FGD4: variants seen among roughly 807,000 people sequenced by gnomAD.
FGD4 encodes the protein FYVE, RhoGEF and PH domain containing 4.
In FGD4, 42 loss-of-function variants were observed where a neutral mutation model predicts 102.0. The observed-to-expected ratio is 0.41, with a 90% CI of 0.32 to 0.53. FGD4 has a LOEUF of 0.53. Ranked by LOEUF, FGD4 falls within the 20% of genes least tolerant of loss-of-function variation. FGD4 has a pLI of 0.21. For missense variants in FGD4, 902 were observed against 1,078.2 expected (o/e 0.84, Z 2.29); for synonymous variants, 380 against 375.7 (o/e 1.01, Z -0.13).
chr12:32,513,905 A>G (rs1939634622), intron 1 of FGD4, among the ~76,000 whole-genome samples: 1 of 152,196 alleles, frequency 6.6e-6, no homozygotes, highest in Admixed American at 6.5e-5. Flanking sequence ...ATTCTTCACA[A>G]TTTTGCAAAT....
chr12:32,423,224 C>T (rs2243815), intron 1 of FGD4, among the ~76,000 whole-genome samples: 59,918 of 152,040 alleles, frequency 0.39, 12,375 homozygotes, highest in African/African-American at 0.5. Flanking sequence ...AGAGAGGCCA[C>T]ATGGGTTCTC....
At chr12:32,585,254 A>G (rs866449994) in intron 4 of FGD4, among the ~76,000 whole-genome samples, 8 of 135,822 alleles carry the variant, frequency 5.9e-5, no homozygotes, top group Non-Finnish European at 9.5e-5. Context: ...ATATATATAT[A>G]TATGTATATC....
intron 1 of FGD4, among the ~76,000 whole-genome samples, chr12:32,476,624 C>T (rs2136534045): frequency 6.6e-6 from 1 of 152,258 alleles, no homozygotes; most frequent in Middle Eastern, 3.4e-3. Context: ...AGGTGCAGGG[C>T]TATGTGCCTG....
chr12:32,506,948 C>T lies in FGD4; in HGVS notation c.167-57189C>T, dbSNP rs147224949. On this transcript the variant is annotated intron_variant, in intron 1 of 16. Coordinates refer to ENST00000534526, the MANE Select transcript of FGD4 (RefSeq NM_001370298.3). This position sits in a 1 kb window ranked among gnomAD's most constrained non-coding sequence, Gnocchi z 4.5. ...TTTTTATTTATTTTTTATTATTATA[C>T]TTTAAGTTTTAGGGCACATGTGCAC... Among the ~76,000 whole-genome samples, 1,453 of 152,040 alleles carry T rather than the reference C, an allele frequency of 9.6e-3. 22 individuals are homozygous for T. Among genetic ancestry groups the T allele is most frequent in the African/African-American group, 0.033 (1,368 of 41,452 alleles).
At chr12:32,489,693 T>C (rs549612235) in intron 1 of FGD4, among the ~76,000 whole-genome samples, 1 of 152,296 alleles carries the variant, frequency 6.6e-6, no homozygotes, top group East Asian at 1.9e-4. Context: ...TTAGACACGG[T>C]GGTTTGTGTT....
intron 1 of FGD4, among the ~76,000 whole-genome samples, chr12:32,529,842 A>T (rs1196364083): frequency 1.5e-5 from 2 of 135,990 alleles, no homozygotes; most frequent in South Asian, 2.3e-4. Context: ...GACTCTGTCT[A>T]AAAAAAAAAA....
intron 10 of FGD4, among the ~76,000 whole-genome samples, chr12:32,611,670 C>T (rs1486873333): frequency 1.3e-5 from 2 of 152,244 alleles, no homozygotes; most frequent in East Asian, 3.8e-4. Context: ...AAAGCAATTA[C>T]ATCTAACCTG....
rs768536136 is a variant in FGD4, at chr12:32,530,941, G to GTTTTTTTTTTTTTTTTTTTTTTTTTTT, written c.167-33193_167-33167dup. Among the ~76,000 whole-genome samples the GTTTTTTTTTTTTTTTTTTTTTTTTTTT allele has an allele frequency of 2.8e-5, 2 of 70,466 alleles. 1 individual carries two copies. The highest frequency in any genetic ancestry group is 1.4e-4 in the African/African-American group (2 of 14,478). 46.2% of individuals were successfully genotyped at this position (70,466 alleles called of 152,430 possible). On this transcript the variant is annotated intron_variant, in intron 1 of 16. Transcript: ENST00000534526. The stretch of plus-strand genomic sequence containing the variant: ...TATGACAATCAGTTTCCTAGCTTTG[G>GTTTTTTTTTTTTTTTTTTTTTTTTTTT]TTTTTTTTTTTTTTTTTTTTTTTTT...
chr12:32,402,012 C>T (rs1940690511), intron 1 of FGD4, among the ~76,000 whole-genome samples: 2 of 151,164 alleles, frequency 1.3e-5, no homozygotes, highest in African/African-American at 4.9e-5. Flanking sequence ...ACGCCATTCT[C>T]CTGCCTCAGC....
intron 5 of FGD4, among the ~76,000 whole-genome samples, chr12:32,599,220 C>A (rs544355957): frequency 2.0e-5 from 3 of 151,686 alleles, no homozygotes; most frequent in Non-Finnish European, 4.4e-5. Flanking sequence ...TTGGGCTGGG[C>A]GCGGTGGCTC....
chr12:32,412,197 T>C (rs1179705821), intron 1 of FGD4, among the ~76,000 whole-genome samples: 1 of 152,202 alleles, frequency 6.6e-6, no homozygotes, highest in African/African-American at 2.4e-5. Flanking sequence ...GTGTAAATGA[T>C]TCTCTTTGGA....
intron 10 of FGD4, among the ~76,000 whole-genome samples, chr12:32,616,081 T>A (rs1270457344): frequency 1.3e-5 from 2 of 152,192 alleles, no homozygotes; most frequent in Non-Finnish European, 2.9e-5. Context: ...CTAGGCAACA[T>A]AACCAGGAGC....
At chr12:32,430,598 CTG>C (rs1393603662) in intron 1 of FGD4, among the ~76,000 whole-genome samples, 2 of 150,340 alleles carry the variant, frequency 1.3e-5, no homozygotes, top group African/African-American at 2.5e-5. Flanking sequence ...TTTAAAAAAA[CTG>C]TAATGGATGG....
At chr12:32,540,541 G>A (rs1173716715) in intron 1 of FGD4, among the ~76,000 whole-genome samples, 1 of 150,832 alleles carries the variant, frequency 6.6e-6, no homozygotes, top group Non-Finnish European at 1.5e-5. Context: ...GGAGATTGAC[G>A]CCTTTTTTTT....
At chr12:32,434,548 A>T (rs1465123340) in intron 1 of FGD4, among the ~76,000 whole-genome samples, 1 of 152,246 alleles carries the variant, frequency 6.6e-6, no homozygotes, top group Non-Finnish European at 1.5e-5. Flanking sequence ...CTTTTCAAAG[A>T]GGAAAGCCTT....
chr12:32,604,634 A>C, intron 7 of FGD4, among the ~76,000 whole-genome samples: 1 of 152,114 alleles, frequency 6.6e-6, no homozygotes. Flanking sequence ...AGGGATCTTC[A>C]CTTCTACTGA....
In FGD4 at chr12:32,600,588, CTTTCT is replaced by C. The variant is rs1470087100; in HGVS notation, c.1102-686_1102-682del. ...TTTGTTTTTCTTTCTTTCTTTCTTT[CTTTCT>C]TTTTTTTTTTTTTGTCTTCAAGGTA... On this transcript the variant is annotated intron_variant, in intron 5 of 16. Transcript: ENST00000534526. 462 of 257,836 alleles carry C rather than the reference CTTTCT, an allele frequency of 1.8e-3. 6 individuals are homozygous for C. The highest frequency in any genetic ancestry group is 0.014 in the African/African-American group (402 of 28,184). The allele number at this position is 257,836 out of a possible 1,614,324, so 16.0% of individuals were successfully genotyped here. A position where few individuals can be genotyped will look rare whatever the true frequency, so the allele number is the denominator to read the frequency against.
chr12:32,516,432 C>T (rs578205917), intron 1 of FGD4, among the ~76,000 whole-genome samples: 6 of 152,324 alleles, frequency 3.9e-5, no homozygotes, highest in Non-Finnish European at 7.3e-5. Flanking sequence ...GCATGAGCCA[C>T]CATGCCTGGC....
At chr12:32,428,477 C>G (rs1235524770) in intron 1 of FGD4, among the ~76,000 whole-genome samples, 1 of 152,078 alleles carries the variant, frequency 6.6e-6, no homozygotes, top group African/African-American at 2.4e-5. Flanking sequence ...CCCAACCTTT[C>G]TTTCTGTCTG....
Sources: gnomAD v4.1 joint callset for allele counts (sites outside exome capture counted in the v4.1 genomes callset) on GRCh38, gnomAD v4.1.1 for gene constraint, Gnocchi (gnomAD v3.1) non-coding constraint, MANE v1.5 for transcripts, NCBI Gene and HGNC (gene_info 2026-07-23, HGNC 2026-07-21) for gene names.